The following ETV1 variants were observed in gnomAD, a reference collection of about 807,000 sequenced individuals.
ETV1 encodes ETS variant transcription factor 1.
A neutral mutation model predicts 62.3 loss-of-function variants in ETV1; 27 were observed. The ratio of observed to expected loss-of-function variants is 0.43; its 90% CI spans 0.32 to 0.60. The LOEUF is 0.60. ETV1 is among the 20% of genes least tolerant of loss of function. The pLI is 0.06. For missense variants in ETV1, 605 were observed against 605.8 expected, an observed-to-expected ratio of 1.00 and a Z score of 0.01; for synonymous variants, 222 against 199.6, an observed-to-expected ratio of 1.11 and a Z score of -0.94.
At position 13,891,282 on chromosome 7, in the gene ETV1, G is replaced by C. The variant is rs898605552; in HGVS notation, c.*4584C>G. The stretch of plus-strand genomic sequence containing the variant: ...TTTAAATTTTGAGCATATTTAATTT[G>C]CTATAATCATGATTTTCATAGCATG... On this transcript the variant is annotated 3_prime_UTR_variant, in exon 14 of 14. Transcript: ENST00000430479. 8.8e-6 allele frequency: 2 copies of C among 227,968 alleles called. No homozygotes were observed. The highest frequency in any genetic ancestry group is 4.4e-5 in the African/African-American group (2 of 45,002). 14.1% of individuals were successfully genotyped at this position (227,968 alleles called of 1,614,324 possible).
rs191246597 is a variant in ETV1 at position 13,986,939 on chromosome 7, A to G, written c.134-254T>C. The G allele has an allele frequency of 2.5e-5, 10 of 395,942 alleles. No homozygotes were observed. The Admixed American group carries it at 3.6e-4, about 14-fold the overall frequency. The allele number at this position is 395,942 out of a possible 1,614,324, so 24.5% of individuals were successfully genotyped here. A position where few individuals can be genotyped will look rare whatever the true frequency, so the allele number is the denominator to read the frequency against. On this transcript the variant is annotated intron_variant, in intron 4 of 13. Coordinates refer to ENST00000430479, the MANE Select transcript of ETV1 (RefSeq NM_004956.5). ...AGTCAATCATCTTTTCTTCTTTTTA[A>G]CAAACAGCTTAATAAATAAGCTCAG...
chr7:13,960,477 C>G (rs17167692), intron 6 of ETV1, among the ~76,000 whole-genome samples: 3,301 of 152,142 alleles, frequency 0.022, 118 homozygotes, highest in African/African-American at 0.066. Flanking sequence ...ATTTATTTTC[C>G]CCTTTTACTT....
At chr7:13,896,124 C>G (rs35548039) in intron 13 of ETV1, 37 bp from the exon 14 acceptor site, 97 of 1,550,834 alleles carry the variant, frequency 6.3e-5, no homozygotes, top group Non-Finnish European at 8.6e-5. Flanking sequence ...CCATCCTCAC[C>G]ATCGCCAGAT....
At chr7:13,942,020 CTTT>C (rs560415338) in intron 6 of ETV1, among the ~76,000 whole-genome samples, 5 of 99,752 alleles carry the variant, frequency 5.0e-5, no homozygotes, top group East Asian at 3.0e-4. Flanking sequence ...CCATGCATTT[CTTT>C]TTTTTTTTTT....
chr7:13,915,807 CTAAAAG>C (rs1784093392), intron 9 of ETV1, among the ~76,000 whole-genome samples: 1 of 151,608 alleles, frequency 6.6e-6, no homozygotes, highest in South Asian at 2.1e-4. Context: ...CAGAACAAGT[CTAAAAG>C]TAATTATCTT....
Position 13,976,150 on chromosome 7 carries a change from A to G in ETV1, c.235+1277T>C, listed in dbSNP as rs546334985. Among the ~76,000 whole-genome samples, 104 of 152,302 alleles carry G rather than the reference A, an allele frequency of 6.8e-4. 1 individual carries two copies. In the South Asian group the frequency reaches 0.02, roughly 29 times the overall value. On this transcript the variant is annotated intron_variant, in intron 6 of 13. Transcript: ENST00000430479. The stretch of plus-strand genomic sequence containing the variant: ...CTGTATTTAGACATCAAACAGCATT[A>G]TACAGTTTTCTTCTCGGATCAAAAA...
Position 13,951,455 on chromosome 7 carries a change from T to TA in ETV1, c.236-12210dup, listed in dbSNP as rs1788806149. ...TGGGATAATAACAGCACCTGCCTCA[T>TA]AGAGTTTCCGATAGGACTAAGGGAG... On this transcript the variant is annotated intron_variant, in intron 6 of 13. Transcript: ENST00000430479. 2.0e-5 allele frequency among the ~76,000 whole-genome samples: 3 copies of TA among 152,306 alleles called. No homozygotes were observed. In the East Asian group the frequency reaches 5.8e-4, roughly 29 times the overall value.
intron 9 of ETV1, among the ~76,000 whole-genome samples, chr7:13,911,761 A>G (rs1416690399): frequency 6.6e-6 from 1 of 152,238 alleles, no homozygotes; most frequent in Non-Finnish European, 1.5e-5. Flanking sequence ...TTATTATGCT[A>G]TTATACTATG....
intron 6 of ETV1, chr7:13,958,834 A>T (rs527539277): frequency 2.0e-4 from 30 of 152,340 alleles, no homozygotes; most frequent in African/African-American, 6.7e-4. Flanking sequence ...GATATTTATA[A>T]AGTGTTTAGA....
chr7:13,925,807 C>T (rs925692773), intron 9 of ETV1, among the ~76,000 whole-genome samples: 2 of 151,940 alleles, frequency 1.3e-5, no homozygotes, highest in Non-Finnish European at 2.9e-5. Flanking sequence ...CCGCCCACCT[C>T]GCCCTCCCAA....
chr7:13,978,918 C>T (rs892748256), intron 5 of ETV1, among the ~76,000 whole-genome samples: 1 of 152,112 alleles, frequency 6.6e-6, no homozygotes, highest in East Asian at 1.9e-4. Context: ...CTTCTGTACA[C>T]CAATAATTAA....
intron 6 of ETV1, among the ~76,000 whole-genome samples, chr7:13,946,242 C>G (rs893697260): frequency 6.6e-6 from 1 of 152,090 alleles, no homozygotes; most frequent in Non-Finnish European, 1.5e-5. Flanking sequence ...TCCATGGAAA[C>G]TTTTATGATC....
At chr7:13,975,321 C>T (rs752253240) in intron 6 of ETV1, among the ~76,000 whole-genome samples, 30 of 151,936 alleles carry the variant, frequency 2.0e-4, no homozygotes, top group Non-Finnish European at 3.4e-4. Context: ...CCAAGGCGGG[C>T]GGATCACGAG....
intron 6 of ETV1, among the ~76,000 whole-genome samples, chr7:13,946,275 A>G (rs1788151990): frequency 6.6e-6 from 1 of 152,140 alleles, no homozygotes; most frequent in Non-Finnish European, 1.5e-5. Flanking sequence ...GGACAATCAA[A>G]TTTTTGGGAG....
At chr7:13,900,983 G>A (rs1177179694) in intron 12 of ETV1, 144 bp from the exon 13 acceptor site, 5 of 523,838 alleles carry the variant, frequency 9.5e-6, no homozygotes, top group Non-Finnish European at 1.6e-5. Flanking sequence ...ATCGTAATCT[G>A]GATTTCCTGT....
Position 13,895,917 on chromosome 7 carries a change from CG to C in ETV1, c.1382del (p.Pro461ArgfsTer55), listed in dbSNP as rs767340104. On this transcript the variant is annotated frameshift_variant, in exon 14 of 14. Coordinates refer to ENST00000430479, the MANE Select transcript of ETV1 (RefSeq NM_004956.5). LOFTEE classifies it high-confidence loss of function. Reference sequence around the variant, plus strand: ...GGTGGGGGTTGCAGCAGCCCCCTTCCGGCATGTAGGCCATGCTCTCATCAAA... The same window carrying C: ...GGTGGGGGTTGCAGCAGCCCCCTTCCGCATGTAGGCCATGCTCTCATCAAA... ...SHFDESMAYM[P>X]EGGCCNPHPY... 3.7e-5 allele frequency: 60 copies of C among 1,613,706 alleles called. No homozygotes were observed. The highest frequency in any genetic ancestry group is 4.8e-5 in the Non-Finnish European group (57 of 1,179,804).
intron 8 of ETV1, among the ~76,000 whole-genome samples, chr7:13,935,395 A>G (rs1162387552): frequency 6.6e-6 from 1 of 152,210 alleles, no homozygotes; most frequent in Non-Finnish European, 1.5e-5. Flanking sequence ...TAAAAATGGG[A>G]TGATCTGATT....
rs1035170645 is a variant in ETV1 at position 13,960,435 on chromosome 7, C to T, written c.235+16992G>A. Among the ~76,000 whole-genome samples, 2 of 152,146 alleles carry T rather than the reference C, an allele frequency of 1.3e-5. 1 individual carries two copies. The highest frequency in any genetic ancestry group is 2.9e-5 in the Non-Finnish European group (2 of 68,024). On this transcript the variant is annotated intron_variant, in intron 6 of 13. Coordinates refer to ENST00000430479, the MANE Select transcript of ETV1 (RefSeq NM_004956.5). ...TCATCTATGTGCCAAATTCTTCAGA[C>T]AAGATACCTCATTTAATCATTACAT...
intron 6 of ETV1, among the ~76,000 whole-genome samples, chr7:13,971,232 A>T (rs978378524): frequency 2.6e-5 from 4 of 152,192 alleles, no homozygotes; most frequent in Non-Finnish European, 5.9e-5. Flanking sequence ...CGGCCTCCCA[A>T]AGTGCTGGGA....
Sources: gnomAD v4.1 joint callset for allele counts (sites outside exome capture counted in the v4.1 genomes callset) on GRCh38, gnomAD v4.1.1 for gene constraint, MANE v1.5 for transcripts, NCBI Gene and HGNC (gene_info 2026-07-23, HGNC 2026-07-21) for gene names.